Variants in PPP2R3A observed in about 807,000 individuals in gnomAD.
The protein encoded by PPP2R3A is serine/threonine-protein phosphatase 2A regulatory subunit B'' subunit alpha.
In PPP2R3A, 80 loss-of-function variants were observed where a neutral mutation model predicts 106.9. That is an observed-to-expected ratio of 0.75 (90% CI 0.62 to 0.90). The LOEUF is 0.90. PPP2R3A is among the 40% of genes least tolerant of loss of function. PPP2R3A has a pLI of 0.00. For synonymous variants in PPP2R3A, 483 were observed against 468.3 expected, an observed-to-expected ratio of 1.03 and a Z score of -0.41; for missense variants, 1,386 against 1,350.4, an observed-to-expected ratio of 1.03 and a Z score of -0.41.
At position 136,040,851 on chromosome 3, in the gene PPP2R3A, A is replaced by G. The variant is rs369129067; in HGVS notation, c.2263-8A>G. 3.1e-6 allele frequency: 5 copies of G among 1,607,932 alleles called. No homozygotes were observed. In the African/African-American group the frequency reaches 4.0e-5, roughly 13 times the overall value. On this transcript the variant is annotated splice_region_variant and splice_polypyrimidine_tract_variant and intron_variant, in intron 3 of 13. Transcript: ENST00000264977. ...TTGGCTTACCCTGTATGTGTTTTCT[A>G]TTTGCAGGTCTGTGGCTGTCCTCTC...
intron 5 of PPP2R3A, among the ~76,000 whole-genome samples, chr3:136,060,680 A>C (rs1227186282): frequency 6.6e-6 from 1 of 152,122 alleles, no homozygotes; most frequent in East Asian, 1.9e-4. Flanking sequence ...GGGTCAATTA[A>C]ACCTGTTTTC....
At chr3:136,032,861 CTTTA>C (rs1472847320) in intron 3 of PPP2R3A, among the ~76,000 whole-genome samples, 2 of 152,118 alleles carry the variant, frequency 1.3e-5, no homozygotes, top group Non-Finnish European at 2.9e-5. Flanking sequence ...TTTGGGTGCC[CTTTA>C]TTTCTTTCTC....
intron 1 of PPP2R3A, among the ~76,000 whole-genome samples, chr3:135,980,794 T>C (rs1937531401): frequency 6.6e-6 from 1 of 151,924 alleles, no homozygotes; most frequent in Admixed American, 6.5e-5. Flanking sequence ...TTCAGCTAGC[T>C]TGGTAACCAC....
chr3:136,106,125 T>C (rs1484043355), intron 12 of PPP2R3A, 91 bp from the exon 13 acceptor site: 2 of 1,049,626 alleles, frequency 1.9e-6, no homozygotes, highest in African/African-American at 3.3e-5. Flanking sequence ...AGGTAGGATT[T>C]TTTCAGCAGT....
At chr3:136,020,558 G>C (rs1207525165) in intron 2 of PPP2R3A, among the ~76,000 whole-genome samples, 2 of 150,674 alleles carry the variant, frequency 1.3e-5, no homozygotes, top group Non-Finnish European at 3.0e-5. Context: ...CTTTTTAGTA[G>C]TTTACTTTTA....
At chr3:136,030,606 C>T (rs1002244044) in intron 3 of PPP2R3A, among the ~76,000 whole-genome samples, 2 of 151,944 alleles carry the variant, frequency 1.3e-5, no homozygotes, top group South Asian at 2.1e-4. Context: ...TATGCCTTTG[C>T]ATCCTCATAG....
chr3:136,102,322 C>T, intron 11 of PPP2R3A, 140 bp downstream of exon 11: 4 of 815,482 alleles, frequency 4.9e-6, no homozygotes, highest in Admixed American at 3.3e-5. Flanking sequence ...AAAGTTTCTC[C>T]TTGACTATTA....
chr3:136,122,883 T>C (rs1938048385), intron 13 of PPP2R3A, among the ~76,000 whole-genome samples: 2 of 152,156 alleles, frequency 1.3e-5, no homozygotes, highest in South Asian at 2.1e-4. Flanking sequence ...AATCTGTCAT[T>C]AGCGATTAAA....
In PPP2R3A at chr3:136,002,426, C is replaced by T. The variant is rs774811704; in HGVS notation, c.928C>T (p.Leu310=). The part of the protein sequence containing the change: ...GNNEALDLTE[L]ISNMPSLQLT... The stretch of plus-strand genomic sequence containing the variant: ...TAATGAGGCTCTAGATTTAACAGAA[C>T]TGATCAGTAATATGCCTAGCTTACA... Residue 310 remains leucine, a synonymous_variant, in exon 2 of 14, where the codon CTG becomes TTG. Coordinates refer to ENST00000264977, the MANE Select transcript of PPP2R3A (RefSeq NM_002718.5). The T allele has an allele frequency of 7.4e-6, 12 of 1,613,878 alleles. No homozygotes were observed. The highest frequency in any genetic ancestry group is 1.0e-5 in the Non-Finnish European group (12 of 1,179,772).
At chr3:136,088,035 C>T in intron 9 of PPP2R3A, 104 bp downstream of exon 9, 1 of 853,982 alleles carries the variant, frequency 1.2e-6, no homozygotes, top group Admixed American at 2.3e-5. Flanking sequence ...GCTATTGGAC[C>T]AAATAATATC....
chr3:136,139,652 C>G (rs991644697), intron 13 of PPP2R3A, among the ~76,000 whole-genome samples: 1 of 148,492 alleles, frequency 6.7e-6, no homozygotes, highest in African/African-American at 2.5e-5. Flanking sequence ...GAGATCACGC[C>G]ACTGCCCTCC....
intron 13 of PPP2R3A, among the ~76,000 whole-genome samples, chr3:136,112,764 C>T (rs1044363341): frequency 6.6e-6 from 1 of 152,204 alleles, no homozygotes; most frequent in Admixed American, 6.5e-5. Context: ...CTACCCAAAG[C>T]AATCTACAGA....
chr3:136,002,653 T>C lies in PPP2R3A; in HGVS notation c.1155T>C (p.Pro385=), dbSNP rs201066023. The stretch of plus-strand genomic sequence containing the variant: ...TATATAACTTAGAGGTAAATGATCC[T>C]AGAACTCTAAAAGCTGTCCAGGTCC... ...NSLYNLEVND[P]RTLKAVQVQS... The change falls in exon 2 of 14, where the codon CCT becomes CCC. Residue 385 remains proline, a synonymous_variant. Transcript: ENST00000264977. 3.1e-6 allele frequency: 5 copies of C among 1,613,576 alleles called. No individual in the cohort carries two copies. The East Asian group carries it at 1.1e-4, about 36-fold the overall frequency.
chr3:136,102,098 C>A lies in PPP2R3A; in HGVS notation c.3019C>A (p.Arg1007=). ...LEYFYEEQCE[R]MEAMGIEPLP... is the part of the protein sequence containing the mutation. Reference sequence around the variant, plus strand: ...GTACTTCTATGAGGAGCAGTGTGAACGGATGGAAGCCATGGGAATTGAGCC... The same window carrying A: ...GTACTTCTATGAGGAGCAGTGTGAAAGGATGGAAGCCATGGGAATTGAGCC... The change falls in exon 11 of 14, where the codon CGG becomes AGG. Residue 1007 remains arginine (R), a synonymous_variant. Coordinates refer to ENST00000264977, the MANE Select transcript of PPP2R3A (RefSeq NM_002718.5). 6.2e-7 allele frequency: 1 copy of A among 1,613,962 alleles called. No homozygotes were observed. The highest frequency in any genetic ancestry group is 8.5e-7 in the Non-Finnish European group (1 of 1,179,998).
chr3:136,132,559 A>C (rs1204593862), intron 13 of PPP2R3A, among the ~76,000 whole-genome samples: 1 of 151,910 alleles, frequency 6.6e-6, no homozygotes, highest in African/African-American at 2.4e-5. Context: ...AATAGGAATA[A>C]ATATAATAAA....
Position 136,002,993 on chromosome 3 carries a change from GAT to G in PPP2R3A, c.1496_1497del (p.Asp499ValfsTer6). 6.2e-7 allele frequency: 1 copy of G among 1,613,630 alleles called. No homozygotes were observed. On this transcript the variant is annotated frameshift_variant, in exon 2 of 14. Coordinates refer to ENST00000264977, the MANE Select transcript of PPP2R3A (RefSeq NM_002718.5). LOFTEE classifies it high-confidence loss of function. ...TAAATTTGAAGAGGGAGACCAGAGA[GAT>G]TTTACAAATTCCAGTAGCCAGGAAG... The part of the protein sequence containing the change: ...VSKFEEGDQR[D>X]FTNSSSQEEI...
chr3:136,098,751 A>G (rs2107960620), intron 10 of PPP2R3A, among the ~76,000 whole-genome samples: 1 of 152,336 alleles, frequency 6.6e-6, no homozygotes, highest in South Asian at 2.1e-4. Context: ...AAAACCAAGA[A>G]GCAACCAGAT....
At chr3:136,039,302 T>C (rs1423518700) in intron 3 of PPP2R3A, among the ~76,000 whole-genome samples, 1 of 152,220 alleles carries the variant, frequency 6.6e-6, no homozygotes, top group Non-Finnish European at 1.5e-5. Context: ...AAATGTGACT[T>C]GTTGAAGAGT....
At chr3:136,114,511 A>G (rs112905945) in intron 13 of PPP2R3A, among the ~76,000 whole-genome samples, 6,164 of 152,228 alleles carry the variant, frequency 0.04, 450 homozygotes, top group African/African-American at 0.14. Flanking sequence ...CCCCCACAGA[A>G]CCCAGCAAAC....
Sources: allele counts gnomAD v4.1 joint callset (sites outside exome capture counted in the v4.1 genomes callset), GRCh38; gene constraint gnomAD v4.1.1; transcripts MANE v1.5; gene names NCBI Gene and HGNC (gene_info 2026-07-23, HGNC 2026-07-21).